The following CAMKK2 variants were observed in gnomAD, a reference collection of about 807,000 sequenced individuals.
CAMKK2 encodes the protein calcium/calmodulin-dependent protein kinase kinase 2.
In CAMKK2, 30 loss-of-function variants were observed where a neutral mutation model predicts 67.2. The ratio of observed to expected loss-of-function variants is 0.45; its 90% confidence interval spans 0.33 to 0.61. CAMKK2 has a LOEUF of 0.61. CAMKK2 is among the 20% of genes least tolerant of loss of function. The pLI is 0.02. For missense variants in CAMKK2, 643 were observed against 802.0 expected, an observed-to-expected ratio of 0.80 and a Z score of 2.39; for synonymous variants, 322 against 326.2, an observed-to-expected ratio of 0.99 and a Z score of 0.14.
chr12:121,267,783 C>T (rs542840054), intron 5 of CAMKK2, among the ~76,000 whole-genome samples: 2 of 152,070 alleles, frequency 1.3e-5, no homozygotes, highest in East Asian at 3.9e-4. Flanking sequence ...TGTGAGCCAC[C>T]GTGCCCGGCC....
intron 11 of CAMKK2, among the ~76,000 whole-genome samples, 190 bp downstream of exon 11, chr12:121,252,471 T>C (rs574413601): frequency 1.3e-4 from 20 of 152,346 alleles, no homozygotes; most frequent in Non-Finnish European, 2.6e-4. Flanking sequence ...GGTTTCACCA[T>C]GTTGGCCAAG....
At position 121,248,589 on chromosome 12, in the gene CAMKK2, G is replaced by A; in HGVS notation, c.1452+17C>T. 6.2e-7 allele frequency: 1 copy of A among 1,614,054 alleles called. No individual in the cohort carries two copies. The highest frequency in any genetic ancestry group is 8.5e-7 in the Non-Finnish European group (1 of 1,179,954). ...CTCCTGGGTCCCTGCTCTGGGTCAG[G>A]GGTCCATCCACCTTACCACGGTTGC... is the stretch of plus-strand genomic sequence containing the variant. On this transcript the variant is annotated intron_variant, in intron 14 of 16. Transcript: ENST00000404169.
chr12:121,296,169 C>G lies in CAMKK2; in HGVS notation c.-60+469G>C, dbSNP rs77733479. On this transcript the variant is annotated intron_variant, in intron 1 of 16. Transcript: ENST00000404169. This position sits in a 1 kb window ranked among gnomAD's most constrained non-coding sequence, Gnocchi z 7.1. ...TCCTGCCACCTGGTGTCCAAGCCAC[C>G]AGGGCCTGGGTTTGCCCCGAGACAG... is the stretch of plus-strand genomic sequence containing the variant. Among the ~76,000 whole-genome samples, 341 of 152,292 alleles carry G rather than the reference C, an allele frequency of 2.2e-3. 3 individuals carry two copies. Among genetic ancestry groups the G allele is most frequent in the African/African-American group, 7.7e-3 (319 of 41,572 alleles).
At position 121,274,369 on chromosome 12, in the gene CAMKK2, A is replaced by G. The variant is rs761645109; in HGVS notation, c.158T>C (p.Ile53Thr). 9 of 1,613,520 alleles carry G rather than the reference A, an allele frequency of 5.6e-6. No individual in the cohort carries two copies. The highest frequency in any genetic ancestry group is 1.1e-5 in the South Asian group (1 of 91,088). ...LSIHLGMESFIVVTECEPGCA... is the reference protein window; with the variant it reads ...LSIHLGMESFTVVTECEPGCA... The stretch of plus-strand genomic sequence containing the variant: ...GCCCGGCTCACACTCGGTGACCACA[A>G]TGAAGGACTCCATGCCCAGGTGGAT... Residue 53 changes from isoleucine to threonine, a missense_variant, in exon 2 of 17, where the codon ATT becomes ACT. By Grantham distance (89) the Ile-to-Thr change is moderately conservative. Coordinates refer to ENST00000404169, the MANE Select transcript of CAMKK2 (RefSeq NM_001270485.2).
Position 121,255,803 on chromosome 12 carries a change from C to G in CAMKK2, c.798G>C (p.Val266=), listed in dbSNP as rs200830546. 1 of 1,613,956 alleles carries G rather than the reference C, an allele frequency of 6.2e-7. No homozygotes were observed. Among genetic ancestry groups the G allele is most frequent in the Non-Finnish European group, 8.5e-7 (1 of 1,179,908 alleles). Residue 266 remains valine, a splice_region_variant and synonymous_variant, in exon 8 of 17, where the codon GTG becomes GTC. Coordinates refer to ENST00000404169, the MANE Select transcript of CAMKK2 (RefSeq NM_001270485.2). The stretch of plus-strand genomic sequence containing the variant: ...CTCACCCTTGGTTGACCAGTTCGAA[C>G]ACTGTAGGGAAGAAAAGGGTGAAAC... The part of the protein sequence containing the change: ...DDPNEDHLYM[V]FELVNQGPVM...
chr12:121,268,172 C>T (rs1227796976), intron 5 of CAMKK2, among the ~76,000 whole-genome samples: 2 of 147,582 alleles, frequency 1.4e-5, no homozygotes, highest in East Asian at 2.0e-4. Flanking sequence ...TCTCTGAAGC[C>T]GTGTGTGCTG....
At chr12:121,260,811 G>A (rs1797743676) in intron 6 of CAMKK2, among the ~76,000 whole-genome samples, 1 of 151,968 alleles carries the variant, frequency 6.6e-6, no homozygotes. Context: ...AATTAGTCCG[G>A]TGTGGTGGTG....
chr12:121,260,366 C>A lies in CAMKK2; in HGVS notation c.760-11G>T. The A allele has an allele frequency of 6.2e-7, 1 of 1,610,806 alleles. No individual in the cohort carries two copies. Among genetic ancestry groups the A allele is most frequent in the South Asian group, 1.1e-5 (1 of 90,084 alleles). On this transcript the variant is annotated splice_polypyrimidine_tract_variant and intron_variant, in intron 6 of 16. Transcript: ENST00000404169. ...GGGGTCATCCAGGACCTTGGCACAG[C>A]CACATGGAATAGGCAGGAGACGGAT...
chr12:121,249,293 T>A (rs1285010729), intron 13 of CAMKK2, among the ~76,000 whole-genome samples: 1 of 152,228 alleles, frequency 6.6e-6, no homozygotes, highest in East Asian at 1.9e-4. Context: ...TCTCTAGATT[T>A]CCTAGAGGGC....
At chr12:121,291,262 C>G (rs1166217080) in intron 1 of CAMKK2, among the ~76,000 whole-genome samples, 1 of 152,194 alleles carries the variant, frequency 6.6e-6, no homozygotes, top group African/African-American at 2.4e-5. Flanking sequence ...TCCCTCCAAA[C>G]AGAGTGACAA....
chr12:121,283,588 G>C (rs1335835382), intron 1 of CAMKK2, among the ~76,000 whole-genome samples: 1 of 152,168 alleles, frequency 6.6e-6, no homozygotes, highest in South Asian at 2.1e-4. Context: ...ACCGAGGTGG[G>C]AGGATGACTT....
At chr12:121,254,957 C>T (rs553269308) in intron 9 of CAMKK2, among the ~76,000 whole-genome samples, 206 of 151,740 alleles carry the variant, frequency 1.4e-3, no homozygotes, top group African/African-American at 4.8e-3. Context: ...AAGGCAGACC[C>T]ACAATCTAAT....
At chr12:121,250,622 C>T (rs1890524965) in intron 11 of CAMKK2, among the ~76,000 whole-genome samples, 2 of 151,960 alleles carry the variant, frequency 1.3e-5, no homozygotes, top group Admixed American at 1.3e-4. Flanking sequence ...CCGCCACCGC[C>T]CACATCACTC....
At chr12:121,297,447 T>C (rs946558301), upstream of CAMKK2, 16 of 386,334 alleles carry the variant, frequency 4.1e-5, no homozygotes, top group African/African-American at 2.5e-4. Context: ...GGATGCACCA[T>C]TGAAGTTCAT....
chr12:121,279,579 C>A (rs1897371931), intron 1 of CAMKK2, among the ~76,000 whole-genome samples: 1 of 152,234 alleles, frequency 6.6e-6, no homozygotes, highest in Non-Finnish European at 1.5e-5. Flanking sequence ...CTCACAGGAC[C>A]AGGCCCTCTG....
intron 1 of CAMKK2, among the ~76,000 whole-genome samples, chr12:121,281,058 C>T (rs994519933): frequency 1.3e-5 from 2 of 152,220 alleles, no homozygotes; most frequent in African/African-American, 4.8e-5. Context: ...TGGGGCATCA[C>T]GGAACCTACC....
intron 9 of CAMKK2, among the ~76,000 whole-genome samples, chr12:121,255,300 AATTT>A (rs1891861870): frequency 6.3e-5 from 2 of 31,564 alleles, no homozygotes; most frequent in African/African-American, 9.5e-5. Flanking sequence ...TTATATATAT[AATTT>A]TATATATAAT....
At chr12:121,252,120 A>G (rs1384988149) in intron 11 of CAMKK2, among the ~76,000 whole-genome samples, 3 of 152,142 alleles carry the variant, frequency 2.0e-5, no homozygotes, top group African/African-American at 7.2e-5. Context: ...AAATTTATCA[A>G]CTATTTATAA....
At chr12:121,291,716 TACA>T (rs1327408893) in intron 1 of CAMKK2, among the ~76,000 whole-genome samples, 1 of 152,036 alleles carries the variant, frequency 6.6e-6, no homozygotes, top group African/African-American at 2.4e-5. Flanking sequence ...GTAGTGGTTG[TACA>T]ACATTATAAA....
Sources: allele counts gnomAD v4.1 joint callset (sites outside exome capture counted in the v4.1 genomes callset), GRCh38; gene constraint gnomAD v4.1.1; non-coding constraint Gnocchi (gnomAD v3.1); transcripts MANE v1.5; gene names NCBI Gene and HGNC (gene_info 2026-07-23, HGNC 2026-07-21).